The following PPP4R3A variants were observed in gnomAD, a reference collection of about 807,000 sequenced individuals.
PPP4R3A encodes the protein serine/threonine-protein phosphatase 4 regulatory subunit 3A.
In PPP4R3A, 15 loss-of-function variants were observed where a neutral mutation model predicts 91.7. That is an observed-to-expected ratio of 0.16 (90% CI 0.11 to 0.25). The LOEUF (loss-of-function observed/expected upper bound fraction) is 0.25. Among genes scored for constraint, PPP4R3A ranks in the 10% least tolerant of loss-of-function variants. The pLI is 1.00. For missense variants in PPP4R3A, 623 were observed against 998.4 expected, an observed-to-expected ratio of 0.62 and a Z score of 5.07; for synonymous variants, 377 against 348.7, an observed-to-expected ratio of 1.08 and a Z score of -0.91.
chr14:91,460,274 A>C (rs915293802), intron 14 of PPP4R3A, among the ~76,000 whole-genome samples: 31 of 151,988 alleles, frequency 2.0e-4, no homozygotes, highest in Non-Finnish European at 4.1e-4. Flanking sequence ...GGACCTCCCA[A>C]AGCACTGGGA....
At chr14:91,464,269 C>T (rs928585811) in intron 11 of PPP4R3A, among the ~76,000 whole-genome samples, 5 of 151,972 alleles carry the variant, frequency 3.3e-5, no homozygotes, top group South Asian at 4.1e-4. Flanking sequence ...CGCAGTGAGT[C>T]GAGATCATGC....
In PPP4R3A at chr14:91,461,435, GCCTGGAGAT is replaced by G; in HGVS notation, c.2328_2336del (p.Pro781_Ser783del). 6.2e-7 allele frequency: 1 copy of G among 1,614,074 alleles called. No individual in the cohort carries two copies. The highest frequency in any genetic ancestry group is 8.5e-7 in the Non-Finnish European group (1 of 1,179,952). ...TATTTTTAGGTACGGATCCAGGAGA[GCCTGGAGAT>G]CCTGGGGATCCAGGTGATCCCGGAG... On this transcript the variant is annotated inframe_deletion, in exon 14 of 15. Coordinates refer to ENST00000554943, the MANE Select transcript of PPP4R3A (RefSeq NM_001366432.2).
At chr14:91,505,976 G>A (rs981421281) in intron 1 of PPP4R3A, among the ~76,000 whole-genome samples, 1 of 150,392 alleles carries the variant, frequency 6.6e-6, no homozygotes, top group Non-Finnish European at 1.5e-5. Context: ...ACGGAGTCTC[G>A]CTTTGTCACC....
intron 1 of PPP4R3A, among the ~76,000 whole-genome samples, chr14:91,508,229 A>C (rs920357687): frequency 4.6e-5 from 7 of 152,214 alleles, no homozygotes; most frequent in African/African-American, 1.4e-4. Context: ...ATTTCTCTCC[A>C]GATTTAAGTT....
intron 14 of PPP4R3A, 122 bp from the exon 15 acceptor site, chr14:91,458,991 G>C (rs867217626): frequency 8.9e-7 from 1 of 1,121,290 alleles, no homozygotes; most frequent in Admixed American, 2.9e-5. Context: ...TTTCTGGGTG[G>C]TGGGACTGTG....
At chr14:91,504,524 C>T (rs529574978) in intron 1 of PPP4R3A, among the ~76,000 whole-genome samples, 26 of 151,648 alleles carry the variant, frequency 1.7e-4, no homozygotes, top group African/African-American at 6.3e-4. Flanking sequence ...ATCGCTTGAA[C>T]CCGGGAAGCG....
chr14:91,498,053 G>T (rs961558492), intron 1 of PPP4R3A, among the ~76,000 whole-genome samples: 6 of 152,178 alleles, frequency 3.9e-5, no homozygotes, highest in Admixed American at 2.6e-4. Context: ...TGTAAAAGTA[G>T]GCCAGGCATG....
In PPP4R3A at chr14:91,481,630, T is replaced by C; in HGVS notation, c.861A>G (p.Ser287=). Residue 287 remains serine (S), a synonymous_variant, in exon 4 of 15, where the codon TCA becomes TCG. Transcript: ENST00000554943. ...TGAAAAAGATAAAAGAGTGAAGTGT[T>C]GATAACATGTTTTCTTCAAAGACCG... ...TPSVFEENML[S]TLHSFIFFNK... is the part of the protein sequence containing the mutation. The C allele has an allele frequency of 6.2e-7, 1 of 1,607,424 alleles. No homozygotes were observed. Among genetic ancestry groups the C allele is most frequent in the Admixed American group, 1.7e-5 (1 of 58,344 alleles).
At chr14:91,489,935 T>C (rs1189298568) in intron 2 of PPP4R3A, among the ~76,000 whole-genome samples, 2 of 152,186 alleles carry the variant, frequency 1.3e-5, no homozygotes, top group Non-Finnish European at 2.9e-5. Context: ...CATCACCCAA[T>C]GGGAAAAATA....
At position 91,509,934 on chromosome 14, in the gene PPP4R3A, C is replaced by T. The variant is rs1031310830; in HGVS notation, c.-287G>A. 9.7e-6 allele frequency: 10 copies of T among 1,035,740 alleles called. No individual in the cohort carries two copies. Among genetic ancestry groups the T allele is most frequent in the African/African-American group, 3.4e-5 (2 of 58,788 alleles). The allele number at this position is 1,035,740 out of a possible 1,614,324, so 64.2% of individuals were successfully genotyped here. ...GGGGCCGCGCAGCGCTTCGTAGCCT[C>T]CCGCCCCGCAGCGCTAGGAACTCGG... On this transcript the variant is annotated 5_prime_UTR_variant, in exon 1 of 15. Coordinates refer to ENST00000554943, the MANE Select transcript of PPP4R3A (RefSeq NM_001366432.2).
intron 10 of PPP4R3A, among the ~76,000 whole-genome samples, chr14:91,468,366 G>A (rs569087437): frequency 8.5e-5 from 13 of 152,198 alleles, no homozygotes; most frequent in Admixed American, 3.3e-4. Context: ...GCATTGTCCT[G>A]ACTCTCTTTA....
chr14:91,506,428 ATAG>A (rs1891298771), intron 1 of PPP4R3A, among the ~76,000 whole-genome samples: 1 of 152,230 alleles, frequency 6.6e-6, no homozygotes, highest in Non-Finnish European at 1.5e-5. Flanking sequence ...AGTTTGGCAC[ATAG>A]TAGGTAGTCA....
intron 4 of PPP4R3A, 34 bp downstream of exon 4, chr14:91,481,542 C>T (rs1889560288): frequency 2.0e-6 from 3 of 1,505,352 alleles, no homozygotes; most frequent in Non-Finnish European, 2.6e-6. Context: ...CGCTGCATCT[C>T]TTGAAATATG....
chr14:91,505,487 C>T (rs1244708487), intron 1 of PPP4R3A, among the ~76,000 whole-genome samples: 2 of 150,548 alleles, frequency 1.3e-5, no homozygotes, highest in African/African-American at 4.9e-5. Flanking sequence ...CACAGGTATG[C>T]AAAAGCCCCT....
intron 2 of PPP4R3A, among the ~76,000 whole-genome samples, chr14:91,486,412 C>T (rs912704130): frequency 4.6e-5 from 7 of 152,106 alleles, no homozygotes; most frequent in African/African-American, 1.2e-4. Flanking sequence ...TGGCCTTGGG[C>T]CCTCCCGCCT....
At chr14:91,506,434 G>T (rs886402296) in intron 1 of PPP4R3A, among the ~76,000 whole-genome samples, 1 of 152,164 alleles carries the variant, frequency 6.6e-6, no homozygotes, top group African/African-American at 2.4e-5. Flanking sequence ...GCACATAGTA[G>T]GTAGTCAGTA....
At chr14:91,460,173 G>A (rs1045055238) in intron 14 of PPP4R3A, among the ~76,000 whole-genome samples, 11 of 151,950 alleles carry the variant, frequency 7.2e-5, no homozygotes, top group African/African-American at 2.4e-4. Flanking sequence ...CACCACACGC[G>A]GCTAATGTTT....
chr14:91,500,984 A>G (rs1301798411), intron 1 of PPP4R3A, among the ~76,000 whole-genome samples: 1 of 152,182 alleles, frequency 6.6e-6, no homozygotes, highest in African/African-American at 2.4e-5. Context: ...ATGAGCTATG[A>G]TCACACCACT....
At chr14:91,494,340 C>G (rs1434406277) in intron 1 of PPP4R3A, among the ~76,000 whole-genome samples, 1 of 151,992 alleles carries the variant, frequency 6.6e-6, no homozygotes, top group African/African-American at 2.4e-5. Context: ...GTTTGTGCTG[C>G]AAACAATACC....
Sources: allele counts gnomAD v4.1 joint callset (sites outside exome capture counted in the v4.1 genomes callset), GRCh38; gene constraint gnomAD v4.1.1; transcripts MANE v1.5; gene names NCBI Gene and HGNC (gene_info 2026-07-23, HGNC 2026-07-21).